Variants in PCDH9 observed in about 807,000 individuals in gnomAD.
The protein encoded by PCDH9 is protocadherin-9.
A neutral mutation model predicts 70.6 loss-of-function variants in PCDH9; 24 were observed. That is an observed-to-expected ratio of 0.34 (90% CI 0.25 to 0.48). The LOEUF (loss-of-function observed/expected upper bound fraction) is 0.48, where lower values mean the gene tolerates loss of function less well. Ranked by LOEUF, PCDH9 falls within the 20% of genes least tolerant of loss-of-function variation. PCDH9 has a pLI of 0.99. For missense variants in PCDH9, 1,281 were observed against 1,503.6 expected (o/e 0.85, Z 2.45); for synonymous variants, 562 against 558.5 (o/e 1.01, Z -0.09).
intron 3 of PCDH9, among the ~76,000 whole-genome samples, chr13:66,666,815 T>C (rs1472681309): frequency 1.3e-5 from 2 of 152,186 alleles, no homozygotes; most frequent in African/African-American, 2.4e-5. Context: ...CTTGCTATAT[T>C]TGAGGTATGA....
intron 4 of PCDH9, among the ~76,000 whole-genome samples, chr13:66,525,415 C>T (rs755221921): frequency 2.0e-5 from 3 of 152,084 alleles, no homozygotes; most frequent in Non-Finnish European, 2.9e-5. Flanking sequence ...TTCCTCTTTC[C>T]TTCCCAGGAA....
chr13:66,843,911 T>C (rs535425226), intron 3 of PCDH9, among the ~76,000 whole-genome samples: 24 of 152,326 alleles, frequency 1.6e-4, no homozygotes, highest in Non-Finnish European at 3.2e-4. Flanking sequence ...TGTAAGTGCA[T>C]TCAGGGCTTA....
At position 66,304,532 on chromosome 13, in the gene PCDH9, C is replaced by G. The variant is rs980135113; in HGVS notation, c.*123G>C. On this transcript the variant is annotated 3_prime_UTR_variant, in exon 5 of 5. Coordinates refer to ENST00000377865, the MANE Select transcript of PCDH9 (RefSeq NM_203487.3). ...CATTGTATTCTCCATGGTGCTAACA[C>G]AAAGTTATAGGTATCCCTGCTAGAA... 1.3e-6 allele frequency: 1 copy of G among 751,680 alleles called. No individual in the cohort carries two copies. The highest frequency in any genetic ancestry group is 2.2e-6 in the Non-Finnish European group (1 of 447,928). The allele number at this position is 751,680 out of a possible 1,614,324, so 46.6% of individuals were successfully genotyped here. A position where few individuals can be genotyped will look rare whatever the true frequency, so the allele number is the denominator to read the frequency against.
chr13:66,863,470 C>A (rs1054480155), intron 3 of PCDH9, among the ~76,000 whole-genome samples: 1 of 151,798 alleles, frequency 6.6e-6, no homozygotes, highest in African/African-American at 2.4e-5. Flanking sequence ...TGGTATAATA[C>A]CCATTTTTGT....
intron 4 of PCDH9, among the ~76,000 whole-genome samples, chr13:66,504,806 T>A (rs1959195461): frequency 6.6e-6 from 1 of 152,208 alleles, no homozygotes; most frequent in Non-Finnish European, 1.5e-5. Context: ...GAAAGCTGGA[T>A]AAGTAATGCT....
At chr13:67,152,075 C>A (rs1176252947) in intron 2 of PCDH9, among the ~76,000 whole-genome samples, 1 of 152,112 alleles carries the variant, frequency 6.6e-6, no homozygotes, top group African/African-American at 2.4e-5. Flanking sequence ...CTTCTTATAG[C>A]TGAAGAACTT....
chr13:66,977,752 A>T (rs537549855), intron 2 of PCDH9, among the ~76,000 whole-genome samples: 5 of 152,282 alleles, frequency 3.3e-5, no homozygotes, highest in African/African-American at 9.6e-5. Flanking sequence ...TCCTAAAAGC[A>T]GCATCATTTC....
At chr13:66,419,066 G>C (rs1957514345) in intron 4 of PCDH9, among the ~76,000 whole-genome samples, 1 of 151,990 alleles carries the variant, frequency 6.6e-6, no homozygotes, top group Non-Finnish European at 1.5e-5. Flanking sequence ...GAACAGACCA[G>C]TAACAGGCTC....
intron 3 of PCDH9, among the ~76,000 whole-genome samples, chr13:66,712,570 AT>A (rs1477835271): frequency 1.3e-5 from 2 of 152,132 alleles, no homozygotes; most frequent in South Asian, 2.1e-4. Context: ...AAAATAAAGT[AT>A]TTTTTTGAAA....
chr13:66,366,811 C>T (rs1219166051), intron 4 of PCDH9, among the ~76,000 whole-genome samples: 1 of 151,998 alleles, frequency 6.6e-6, no homozygotes, highest in Non-Finnish European at 1.5e-5. Flanking sequence ...TTCAGTGTAT[C>T]TGGATAGTAT....
intron 3 of PCDH9, among the ~76,000 whole-genome samples, chr13:66,780,495 C>T (rs1279262532): frequency 6.6e-6 from 1 of 152,024 alleles, no homozygotes; most frequent in African/African-American, 2.4e-5. Context: ...GAAACAGGTC[C>T]ATTCTCTCAA....
chr13:66,568,419 ACACACGCACACG>A (rs79706307), intron 4 of PCDH9, among the ~76,000 whole-genome samples: 2 of 66,422 alleles, frequency 3.0e-5, no homozygotes, highest in Admixed American at 2.4e-4. Flanking sequence ...AGACACATAC[ACACACGCACACG>A]CACACGCACA....
chr13:67,098,968 A>G (rs1480417944), intron 2 of PCDH9, among the ~76,000 whole-genome samples: 1 of 152,194 alleles, frequency 6.6e-6, no homozygotes, highest in Non-Finnish European at 1.5e-5. Flanking sequence ...GCAATAAAGA[A>G]ATGTCATCTC....
At chr13:66,484,135 G>A (rs565017726) in intron 4 of PCDH9, among the ~76,000 whole-genome samples, 1 of 152,210 alleles carries the variant, frequency 6.6e-6, no homozygotes, top group East Asian at 1.9e-4. Flanking sequence ...CCAAGCCCAC[G>A]TGTGATCGGA....
intron 4 of PCDH9, among the ~76,000 whole-genome samples, chr13:66,412,332 AT>A (rs1304312786): frequency 6.6e-6 from 1 of 151,886 alleles, no homozygotes. Flanking sequence ...CAGCTGATTA[AT>A]TTTTTTTCTT....
chr13:66,855,980 A>G (rs541700457), intron 3 of PCDH9, among the ~76,000 whole-genome samples: 1 of 152,132 alleles, frequency 6.6e-6, no homozygotes, highest in African/African-American at 2.4e-5. Flanking sequence ...AATTATGAAC[A>G]TGGTTTACTA....
chr13:66,313,172 T>A (rs1955593240), intron 4 of PCDH9, among the ~76,000 whole-genome samples: 1 of 152,226 alleles, frequency 6.6e-6, no homozygotes, highest in Non-Finnish European at 1.5e-5. Context: ...ATGACAATAG[T>A]CCAAAGAGAC....
At chr13:66,830,723 G>A (rs1264528505) in intron 3 of PCDH9, among the ~76,000 whole-genome samples, 4 of 152,056 alleles carry the variant, frequency 2.6e-5, no homozygotes, top group Admixed American at 1.3e-4. Context: ...AAATATGTAA[G>A]TCAACTCAGG....
chr13:67,016,797 G>C (rs1340303815), intron 2 of PCDH9, among the ~76,000 whole-genome samples: 1 of 152,140 alleles, frequency 6.6e-6, no homozygotes, highest in Admixed American at 6.5e-5. Flanking sequence ...AAAAGCATTT[G>C]CTCTTTTGTA....
Sources: allele counts gnomAD v4.1 joint callset (sites outside exome capture counted in the v4.1 genomes callset), GRCh38; gene constraint gnomAD v4.1.1; transcripts MANE v1.5; gene names NCBI Gene and HGNC (gene_info 2026-07-23, HGNC 2026-07-21).